The following DSCAM variants were observed in gnomAD, a reference collection of about 807,000 sequenced individuals.
The protein encoded by DSCAM is DS cell adhesion molecule.
Under a neutral mutation model 217.7 loss-of-function variants are expected in DSCAM, and 47 were observed. That is an observed-to-expected ratio of 0.22 (90% CI 0.17 to 0.28). The LOEUF (loss-of-function observed/expected upper bound fraction) is 0.28, where lower values mean the gene tolerates loss of function less well. DSCAM is among the 10% of genes least tolerant of loss of function. The probability of loss-of-function intolerance (pLI) is 1.00; values close to 1 mark genes in which losing one functional copy is unlikely to be tolerated. For synonymous variants in DSCAM, 1,056 were observed against 1,015.3 expected, an observed-to-expected ratio of 1.04 and a Z score of -0.76; for missense variants, 2,080 against 2,618.3, an observed-to-expected ratio of 0.79 and a Z score of 4.49.
intron 3 of DSCAM, among the ~76,000 whole-genome samples, chr21:40,593,453 G>A (rs1027454265): frequency 6.6e-6 from 1 of 152,008 alleles, no homozygotes; most frequent in Non-Finnish European, 1.5e-5. Context: ...AGCCTCTCGA[G>A]TAGCTGGGTC....
chr21:40,708,775 C>T lies in DSCAM; in HGVS notation c.44-4G>A. 1.3e-6 allele frequency: 2 copies of T among 1,534,248 alleles called. No homozygotes were observed. Among genetic ancestry groups the T allele is most frequent in the Non-Finnish European group, 8.8e-7 (1 of 1,135,072 alleles). Reference sequence around the variant, plus strand: ...GAGTGTAGGTCTTCACTGAAAACTGCAAGAAGACAACACAGGGATCCATAG... The same window carrying T: ...GAGTGTAGGTCTTCACTGAAAACTGTAAGAAGACAACACAGGGATCCATAG... On this transcript the variant is annotated splice_polypyrimidine_tract_variant and splice_region_variant and intron_variant, in intron 1 of 32. Coordinates refer to ENST00000400454, the MANE Select transcript of DSCAM (RefSeq NM_001389.5).
At chr21:40,646,039 T>C (rs934741790) in intron 3 of DSCAM, among the ~76,000 whole-genome samples, 5 of 152,020 alleles carry the variant, frequency 3.3e-5, no homozygotes, top group African/African-American at 7.2e-5. Flanking sequence ...AGTACCACCA[T>C]GAAGTTTGAG....
At chr21:40,524,078 T>C (rs985794451) in intron 3 of DSCAM, among the ~76,000 whole-genome samples, 2 of 152,238 alleles carry the variant, frequency 1.3e-5, no homozygotes, top group South Asian at 2.1e-4. Context: ...TGCCAGTAGC[T>C]ACCATTTAAA....
intron 3 of DSCAM, among the ~76,000 whole-genome samples, chr21:40,540,459 C>T (rs910729219): frequency 6.6e-6 from 1 of 152,122 alleles, no homozygotes; most frequent in Non-Finnish European, 1.5e-5. Context: ...CCTCACACTG[C>T]GCTGTGAATC....
intron 3 of DSCAM, among the ~76,000 whole-genome samples, chr21:40,420,318 T>C (rs971879289): frequency 1.1e-4 from 16 of 152,364 alleles, no homozygotes; most frequent in South Asian, 2.1e-4. Flanking sequence ...TCAAGATCTA[T>C]GACTTGGGTT....
intron 3 of DSCAM, among the ~76,000 whole-genome samples, chr21:40,396,237 T>A (rs991313421): frequency 4.6e-5 from 7 of 152,218 alleles, no homozygotes; most frequent in East Asian, 1.9e-4. Context: ...GCTAAAATAA[T>A]GTTTAAATGC....
At chr21:40,290,150 T>C (rs915397470) in intron 10 of DSCAM, among the ~76,000 whole-genome samples, 82 of 152,116 alleles carry the variant, frequency 5.4e-4, no homozygotes, top group African/African-American at 1.8e-3. Context: ...GGCAATCCTA[T>C]GGAACCACAA....
At chr21:40,491,784 C>T (rs988666627) in intron 3 of DSCAM, among the ~76,000 whole-genome samples, 7 of 152,116 alleles carry the variant, frequency 4.6e-5, no homozygotes, top group African/African-American at 1.7e-4. Context: ...ATTTCACCAG[C>T]AACTTCCCTT....
At chr21:40,136,819 G>T (rs1302522188) in intron 18 of DSCAM, among the ~76,000 whole-genome samples, 2 of 152,166 alleles carry the variant, frequency 1.3e-5, no homozygotes, top group Non-Finnish European at 2.9e-5. Flanking sequence ...CAGACAGAAT[G>T]AGGAAGAGGA....
At chr21:40,687,947 A>G (rs1387888955) in intron 3 of DSCAM, among the ~76,000 whole-genome samples, 2 of 152,204 alleles carry the variant, frequency 1.3e-5, no homozygotes, top group East Asian at 1.9e-4. Context: ...ATTACAGCCA[A>G]TGTTTCATGT....
At chr21:40,022,780 C>CTTT (rs35238261) in intron 32 of DSCAM, among the ~76,000 whole-genome samples, 16 of 149,052 alleles carry the variant, frequency 1.1e-4, no homozygotes, top group South Asian at 2.1e-4. Flanking sequence ...ACAATACATT[C>CTTT]TTTTTTTTTT....
chr21:40,786,741 A>G (rs2091597612), intron 1 of DSCAM, among the ~76,000 whole-genome samples: 1 of 152,228 alleles, frequency 6.6e-6, no homozygotes, highest in African/African-American at 2.4e-5. Context: ...CCCAAGAGAA[A>G]GAAACCAATA....
At chr21:40,059,437 T>A (rs1445198990) in intron 28 of DSCAM, among the ~76,000 whole-genome samples, 1 of 152,158 alleles carries the variant, frequency 6.6e-6, no homozygotes, top group Non-Finnish European at 1.5e-5. Context: ...TCTGGGGTGA[T>A]GTGCATGGGT....
chr21:40,212,911 G>A (rs957757132), intron 11 of DSCAM, among the ~76,000 whole-genome samples: 22 of 152,186 alleles, frequency 1.4e-4, no homozygotes, highest in African/African-American at 5.1e-4. Flanking sequence ...TGAAGGTGGA[G>A]GCAGAGACTG....
chr21:40,458,092 C>A (rs1365321365), intron 3 of DSCAM, among the ~76,000 whole-genome samples: 1 of 152,186 alleles, frequency 6.6e-6, no homozygotes, highest in Non-Finnish European at 1.5e-5. Context: ...CAATTCACAT[C>A]TCTCAGTCCA....
At chr21:40,666,756 A>T (rs1442823276) in intron 3 of DSCAM, among the ~76,000 whole-genome samples, 1 of 152,244 alleles carries the variant, frequency 6.6e-6, no homozygotes, top group African/African-American at 2.4e-5. Context: ...GGTTAGCGCT[A>T]GACAACAATG....
At chr21:40,669,442 C>T (rs1305403186) in intron 3 of DSCAM, among the ~76,000 whole-genome samples, 1 of 152,170 alleles carries the variant, frequency 6.6e-6, no homozygotes, top group African/African-American at 2.4e-5. Context: ...GTGCCAGTTA[C>T]TATTCTAGAA....
chr21:40,391,501 C>G (rs968196401), intron 3 of DSCAM, among the ~76,000 whole-genome samples: 1 of 152,152 alleles, frequency 6.6e-6, no homozygotes, highest in African/African-American at 2.4e-5. Context: ...AACCATAGAG[C>G]ATTTCAATGT....
intron 3 of DSCAM, chr21:40,384,944 T>C (rs1431006947): frequency 6.6e-6 from 1 of 152,352 alleles, no homozygotes; most frequent in Admixed American, 6.5e-5. Context: ...TGTAATTTGC[T>C]TTATTTATTT....
Sources: gnomAD v4.1 joint callset for allele counts (sites outside exome capture counted in the v4.1 genomes callset) on GRCh38, gnomAD v4.1.1 for gene constraint, MANE v1.5 for transcripts, NCBI Gene and HGNC (gene_info 2026-07-23, HGNC 2026-07-21) for gene names.